TXNDC16: variants seen among roughly 807,000 people sequenced by gnomAD.
TXNDC16 encodes thioredoxin domain-containing protein 16.
A neutral mutation model predicts 85.6 loss-of-function variants in TXNDC16; 74 were observed. The observed-to-expected ratio is 0.86, with a 90% confidence interval of 0.72 to 1.05. The LOEUF (loss-of-function observed/expected upper bound fraction) is 1.05. TXNDC16 is among the 50% of genes least tolerant of loss of function. TXNDC16 has a pLI of 0.00. For synonymous variants in TXNDC16, 335 were observed against 326.5 expected (o/e 1.03, Z -0.28); for missense variants, 959 against 947.0 (o/e 1.01, Z -0.17).
chr14:52,454,231 G>T (rs777088664), intron 18 of TXNDC16, among the ~76,000 whole-genome samples: 1 of 151,934 alleles, frequency 6.6e-6, no homozygotes, highest in Non-Finnish European at 1.5e-5. Flanking sequence ...TTCGAGACCA[G>T]CCTGGGCAAC....
At chr14:52,522,192 T>C (rs2037225953) in intron 6 of TXNDC16, among the ~76,000 whole-genome samples, 2 of 152,216 alleles carry the variant, frequency 1.3e-5, no homozygotes, top group Non-Finnish European at 2.9e-5. Flanking sequence ...TGTTTTATTA[T>C]CTCCAACGTG....
intron 1 of TXNDC16, among the ~76,000 whole-genome samples, chr14:52,547,895 G>A (rs534440370): frequency 8.7e-4 from 133 of 152,304 alleles, no homozygotes; most frequent in Non-Finnish European, 1.6e-3. Context: ...ACGAGAGACT[G>A]TTCAAATGTT....
At chr14:52,531,574 G>T (rs1348240733) in intron 6 of TXNDC16, among the ~76,000 whole-genome samples, 1 of 152,154 alleles carries the variant, frequency 6.6e-6, no homozygotes, top group Non-Finnish European at 1.5e-5. Flanking sequence ...AAGGCTACAT[G>T]CTATATGATT....
chr14:52,519,942 A>G (rs915153778), intron 6 of TXNDC16, among the ~76,000 whole-genome samples: 1 of 152,134 alleles, frequency 6.6e-6, no homozygotes, highest in Non-Finnish European at 1.5e-5. Context: ...AATTATTTAT[A>G]TATTTATTTA....
At chr14:52,488,576 C>G in intron 11 of TXNDC16, 90 bp from the exon 12 acceptor site, 2 of 1,077,534 alleles carry the variant, frequency 1.9e-6, no homozygotes, top group Non-Finnish European at 2.6e-6. Flanking sequence ...TGGCTCACAC[C>G]TGTAATCCCA....
At chr14:52,509,447 G>T (rs533822761) in intron 9 of TXNDC16, among the ~76,000 whole-genome samples, 1 of 151,822 alleles carries the variant, frequency 6.6e-6, no homozygotes, top group South Asian at 2.1e-4. Context: ...TATTCAGAGG[G>T]TATTCTCCCA....
chr14:52,445,606 C>T (rs143244292), intron 18 of TXNDC16, among the ~76,000 whole-genome samples: 89 of 152,338 alleles, frequency 5.8e-4, no homozygotes, highest in Non-Finnish European at 6.0e-4. Context: ...TACAGTCATG[C>T]ATCGCATGAT....
intron 6 of TXNDC16, among the ~76,000 whole-genome samples, chr14:52,535,715 T>C (rs1160160585): frequency 6.6e-6 from 1 of 152,114 alleles, no homozygotes; most frequent in Non-Finnish European, 1.5e-5. Context: ...GCCTGGAGAT[T>C]CCAGGCCAGA....
chr14:52,480,858 C>A (rs1248879824), intron 14 of TXNDC16, among the ~76,000 whole-genome samples: 1 of 151,496 alleles, frequency 6.6e-6, no homozygotes, highest in Non-Finnish European at 1.5e-5. Context: ...GATACTTGCA[C>A]ACGTTTATAG....
At chr14:52,457,234 C>A in intron 16 of TXNDC16, 60 bp from the exon 17 acceptor site, 1 of 926,688 alleles carries the variant, frequency 1.1e-6, no homozygotes, top group Non-Finnish European at 1.6e-6. Context: ...TGCTATTCAA[C>A]TGATGAAGAG....
At position 52,536,837 on chromosome 14, in the gene TXNDC16, A is replaced by G. The variant is rs778140976; in HGVS notation, c.318-44T>C. The G allele has an allele frequency of 4.8e-6, 7 of 1,463,082 alleles. No homozygotes were observed. In the African/African-American group the frequency reaches 9.9e-5, roughly 21 times the overall value. 90.6% of individuals were successfully genotyped at this position (1,463,082 alleles called of 1,614,324 possible). ...CATATTAATATTGAAAAATACAAAAAATATTTCCTTAGAATTCAATTTACT... is the reference window on the plus strand; with the variant it reads ...CATATTAATATTGAAAAATACAAAAGATATTTCCTTAGAATTCAATTTACT... On this transcript the variant is annotated intron_variant, in intron 5 of 20. Coordinates refer to ENST00000281741, the MANE Select transcript of TXNDC16 (RefSeq NM_020784.3).
chr14:52,510,830 A>G (rs889113849), intron 9 of TXNDC16, among the ~76,000 whole-genome samples: 1 of 152,156 alleles, frequency 6.6e-6, no homozygotes, highest in African/African-American at 2.4e-5. Flanking sequence ...TATGGTTCTA[A>G]TATCTACCAA....
chr14:52,494,914 C>A (rs892642260), intron 9 of TXNDC16, among the ~76,000 whole-genome samples: 2 of 152,152 alleles, frequency 1.3e-5, no homozygotes, highest in Admixed American at 1.3e-4. Flanking sequence ...AAGGACAATA[C>A]CTTAATGTCA....
In TXNDC16 at chr14:52,490,956, A is replaced by G. The variant is rs751468284; in HGVS notation, c.806T>C (p.Leu269Pro). Residue 269 changes from leucine to proline, a missense_variant, in exon 10 of 21, where the codon CTG becomes CCG. Physicochemically the swap from Leu to Pro is moderately conservative, Grantham distance 98. Coordinates refer to ENST00000281741, the MANE Select transcript of TXNDC16 (RefSeq NM_020784.3). ...PQQVSTVHLQLGLPLVFIVSQ... is the reference protein window; with the variant it reads ...PQQVSTVHLQPGLPLVFIVSQ... ...AACAATAAAAACCAGTGGTAAGCCC[A>G]GTTGGAGATGGACAGTTGAAACTTG... The G allele has an allele frequency of 8.7e-6, 14 of 1,609,350 alleles. No homozygotes were observed. The highest frequency in any genetic ancestry group is 1.2e-5 in the Non-Finnish European group (14 of 1,177,794).
chr14:52,511,708 C>T (rs904958957), intron 8 of TXNDC16, among the ~76,000 whole-genome samples: 52 of 152,062 alleles, frequency 3.4e-4, no homozygotes, highest in Non-Finnish European at 8.8e-5. Flanking sequence ...AAAAAGCTGT[C>T]ACCTTGCGGA....
intron 9 of TXNDC16, among the ~76,000 whole-genome samples, chr14:52,504,985 T>G (rs2036758167): frequency 6.6e-6 from 1 of 152,188 alleles, no homozygotes. Context: ...GGCCATTACA[T>G]AATGGTAAAG....
intron 6 of TXNDC16, among the ~76,000 whole-genome samples, chr14:52,521,876 T>C (rs2037219204): frequency 6.6e-6 from 1 of 152,216 alleles, no homozygotes; most frequent in Non-Finnish European, 1.5e-5. Context: ...AGAGACTAAG[T>C]AACCTGCTCC....
At position 52,537,595 on chromosome 14, in the gene TXNDC16, T is replaced by G. The variant is rs761023548; in HGVS notation, c.317+4A>C. On this transcript the variant is annotated splice_donor_region_variant and intron_variant, in intron 5 of 20. Transcript: ENST00000281741. ...TGTCCAGCACACTCAGGAAAATAGC[T>G]TACTTGAATAAATATGCTTTCATCA... 3 of 1,569,196 alleles carry G rather than the reference T, an allele frequency of 1.9e-6. No homozygotes were observed. The highest frequency in any genetic ancestry group is 1.8e-6 in the Non-Finnish European group (2 of 1,141,400).
Position 52,455,282 on chromosome 14 carries a change from G to A in TXNDC16, c.1842+42C>T, listed in dbSNP as rs1316041141. ...ACATATACTACCTTTGACTGATCTA[G>A]ATTTTATTTCAAGTATCACCCTTAT... On this transcript the variant is annotated intron_variant, in intron 18 of 20. Coordinates refer to ENST00000281741, the MANE Select transcript of TXNDC16 (RefSeq NM_020784.3). The A allele has an allele frequency of 2.5e-6, 4 of 1,608,124 alleles. No homozygotes were observed. In the East Asian group the frequency reaches 8.9e-5, roughly 36 times the overall value.
Sources: allele counts gnomAD v4.1 joint callset (sites outside exome capture counted in the v4.1 genomes callset), GRCh38; gene constraint gnomAD v4.1.1; transcripts MANE v1.5; gene names NCBI Gene and HGNC (gene_info 2026-07-23, HGNC 2026-07-21).